HBS1L: variants seen among roughly 807,000 people sequenced by gnomAD.
The protein encoded by HBS1L is HBS1 like translational GTPase.
A neutral mutation model predicts 88.9 loss-of-function variants in HBS1L; 55 were observed. The ratio of observed to expected loss-of-function variants is 0.62; its 90% CI spans 0.50 to 0.77. The LOEUF (loss-of-function observed/expected upper bound fraction) is 0.77, where lower values mean the gene tolerates loss of function less well. HBS1L is among the 30% of genes least tolerant of loss of function. The pLI, the probability that HBS1L is intolerant of heterozygous loss-of-function variation, is 0.00. For missense variants in HBS1L, 741 were observed against 829.3 expected (o/e 0.89, Z 1.31); for synonymous variants, 267 against 288.5 (o/e 0.93, Z 0.76).
At position 135,036,897 on chromosome 6, in the gene HBS1L, T is replaced by G. The variant is rs946244550; in HGVS notation, c.430+2676A>C. On this transcript the variant is annotated intron_variant, in intron 4 of 17. Transcript: ENST00000367837. ...TGGAATTCTTCCCTAGCTTTGAACT[T>G]AGAACTTTAGTTCGTGATGATGGAG... 2.6e-6 allele frequency: 4 copies of G among 1,551,582 alleles called. No homozygotes were observed. The African/African-American group carries it at 4.1e-5, about 16-fold the overall frequency.
In HBS1L at chr6:134,960,444, C is replaced by T. The variant is rs1774160764; in HGVS notation, c.*4835G>A. On this transcript the variant is annotated 3_prime_UTR_variant, in exon 18 of 18. Coordinates refer to ENST00000367837, the MANE Select transcript of HBS1L (RefSeq NM_006620.4). Reference sequence around the variant, plus strand: ...TGTTTACATGATCTATAAGGCAGAGCTATGAGAATTCCTCAATAATTGTAA... The same window carrying T: ...TGTTTACATGATCTATAAGGCAGAGTTATGAGAATTCCTCAATAATTGTAA... The T allele has an allele frequency of 6.6e-6, 1 of 152,080 alleles. No individual in the cohort carries two copies. The allele number at this position is 152,080 out of a possible 1,614,324, so 9.4% of individuals were successfully genotyped here. A position where few individuals can be genotyped will look rare whatever the true frequency, so the allele number is the denominator to read the frequency against.
At chr6:134,966,976 T>C (rs1272195837) in intron 16 of HBS1L, among the ~76,000 whole-genome samples, 1 of 152,064 alleles carries the variant, frequency 6.6e-6, no homozygotes, top group African/African-American at 2.4e-5. Flanking sequence ...GTTGCTAAGA[T>C]TCCCCTCAAT....
rs144606815 is a variant in HBS1L, at chr6:134,968,835, A to G, written c.1898+403T>C. Among the ~76,000 whole-genome samples, 233 of 152,246 alleles carry G rather than the reference A, an allele frequency of 1.5e-3. 2 individuals are homozygous for G. Among genetic ancestry groups the G allele is most frequent in the Admixed American group, 5.0e-3 (77 of 15,288 alleles). On this transcript the variant is annotated intron_variant, in intron 16 of 17. Coordinates refer to ENST00000367837, the MANE Select transcript of HBS1L (RefSeq NM_006620.4). ...TAGATTATTTTCTTCTTAGCTTAGCATAGGGAATGATCTTATTAAGGAGGT... is the reference window on the plus strand; with the variant it reads ...TAGATTATTTTCTTCTTAGCTTAGCGTAGGGAATGATCTTATTAAGGAGGT...
intron 15 of HBS1L, among the ~76,000 whole-genome samples, chr6:134,972,859 A>G (rs569143339): frequency 3.3e-4 from 50 of 152,344 alleles, no homozygotes; most frequent in Non-Finnish European, 6.2e-4. Context: ...AACCACCATG[A>G]GACACCACTT....
chr6:135,043,330 T>C (rs1390955616), intron 2 of HBS1L, among the ~76,000 whole-genome samples: 1 of 152,216 alleles, frequency 6.6e-6, no homozygotes, highest in Non-Finnish European at 1.5e-5. Flanking sequence ...TAGCTTTCTA[T>C]AAGAGCACAA....
At chr6:135,035,987 T>G (rs1444802739) in intron 4 of HBS1L, 2 of 652,534 alleles carry the variant, frequency 3.1e-6, no homozygotes, top group Non-Finnish European at 3.8e-6. Flanking sequence ...GATTTTCATT[T>G]TATTATTATC....
At chr6:135,026,833 G>A (rs1184748788) in intron 4 of HBS1L, 3 of 151,208 alleles carry the variant, frequency 2.0e-5, no homozygotes, top group Admixed American at 6.6e-5. Context: ...AAAAATGCAA[G>A]AGTGTTATAT....
intron 15 of HBS1L, 44 bp downstream of exon 15, chr6:134,978,635 T>G: frequency 9.1e-7 from 1 of 1,098,704 alleles, no homozygotes; most frequent in Non-Finnish European, 1.3e-6. Flanking sequence ...TAAAGTTACT[T>G]TGAATTTATA....
In HBS1L at chr6:134,961,325, C is replaced by G. The variant is rs976687956; in HGVS notation, c.*3954G>C. The G allele has an allele frequency of 1.3e-5, 2 of 151,952 alleles. No individual in the cohort carries two copies. Among genetic ancestry groups the G allele is most frequent in the African/African-American group, 4.8e-5 (2 of 41,358 alleles). 9.4% of individuals were successfully genotyped at this position (151,952 alleles called of 1,614,324 possible). A position where few individuals can be genotyped will look rare whatever the true frequency, so the allele number is the denominator to read the frequency against. On this transcript the variant is annotated 3_prime_UTR_variant, in exon 18 of 18. Transcript: ENST00000367837. ...TTTTGTTTTGCATTGTATTTTACAC[C>G]TACATTTACACTATTAACTTATTTG...
chr6:135,020,146 T>C (rs1323417053), intron 4 of HBS1L, among the ~76,000 whole-genome samples: 1 of 124,140 alleles, frequency 8.1e-6, no homozygotes, highest in Non-Finnish European at 1.7e-5. Flanking sequence ...TTATGAATGA[T>C]TAAAAAAAAC....
intron 15 of HBS1L, among the ~76,000 whole-genome samples, chr6:134,974,360 A>C (rs1248140308): frequency 6.6e-6 from 1 of 152,200 alleles, no homozygotes; most frequent in Non-Finnish European, 1.5e-5. Context: ...TCCTACTGAA[A>C]CTATTAAAAG....
At chr6:135,018,600 A>G (rs988334640) in intron 4 of HBS1L, among the ~76,000 whole-genome samples, 1 of 151,994 alleles carries the variant, frequency 6.6e-6, no homozygotes, top group Non-Finnish European at 1.5e-5. Flanking sequence ...TGACCATTCT[A>G]TAGCACTAAG....
rs370259280 is a variant in HBS1L, at chr6:134,997,495, G to A, written c.701C>T (p.Pro234Leu). ...ASEEQSSTPA[P>L]VKKSGKLRQQ... ...CCTCAGCTTGCCAGACTTTTTCACC[G>A]GTGCTGGGGTTGAACTCTGCTCTTC... The change falls in exon 6 of 18, where the codon CCG becomes CTG. Residue 234 changes from proline (P) to leucine (L), a missense_variant. This residue lies in a region of HBS1L where 556 missense variants were observed against 598.4 expected (regional missense o/e 0.93). Transcript: ENST00000367837. 1.7e-5 allele frequency: 27 copies of A among 1,613,868 alleles called. No individual in the cohort carries two copies. The highest frequency in any genetic ancestry group is 4.5e-5 in the East Asian group (2 of 44,880).
At chr6:135,015,882 CTTTTTTT>C (rs1174601694) in intron 4 of HBS1L, among the ~76,000 whole-genome samples, 1 of 116,966 alleles carries the variant, frequency 8.5e-6, no homozygotes, top group Non-Finnish European at 1.8e-5. Context: ...CGAGCCCAGC[CTTTTTTT>C]TTTTTTTTTT....
chr6:134,986,146 C>T lies in HBS1L; in HGVS notation c.1343G>A (p.Ser448Asn), dbSNP rs1447616266. ...AGATCTTGTGATTAGATTTTCACCA[C>T]TGAGACCACTTGTAGGAATAAAACC... Reference protein sequence around the residue: ...DVGFIPTSGLSGENLITRSQS... With the variant: ...DVGFIPTSGLNGENLITRSQS... Residue 448 changes from serine (S) to asparagine (N), a missense_variant, in exon 11 of 18, where the codon AGT becomes AAT. By Grantham distance (46) the Ser-to-Asn change is conservative. This residue lies in a region of HBS1L where 556 missense variants were observed against 598.4 expected (regional missense o/e 0.93). Transcript: ENST00000367837. 1 of 1,595,156 alleles carries T rather than the reference C, an allele frequency of 6.3e-7. No homozygotes were observed. Among genetic ancestry groups the T allele is most frequent in the Middle Eastern group, 1.7e-4 (1 of 6,016 alleles).
intron 4 of HBS1L, among the ~76,000 whole-genome samples, chr6:135,034,253 A>T (rs923907353): frequency 1.3e-5 from 2 of 152,248 alleles, no homozygotes; most frequent in African/African-American, 4.8e-5. Flanking sequence ...AAATAAACAG[A>T]AACAAAAGTA....
chr6:135,037,938 T>C, intron 4 of HBS1L: 7 of 1,549,966 alleles, frequency 4.5e-6, no homozygotes, highest in Non-Finnish European at 5.2e-6. Flanking sequence ...AATCAAAGGG[T>C]TTGCTACTAT....
At chr6:134,969,748 T>A (rs1255365792) in intron 15 of HBS1L, among the ~76,000 whole-genome samples, 1 of 152,100 alleles carries the variant, frequency 6.6e-6, no homozygotes, top group Non-Finnish European at 1.5e-5. Context: ...CTCAACTCTT[T>A]CTCTTCTGTC....
chr6:135,036,811 G>A, intron 4 of HBS1L: 1 of 1,551,836 alleles, frequency 6.4e-7, no homozygotes, highest in Non-Finnish European at 8.7e-7. Flanking sequence ...CCAAGAGAGA[G>A]AAAAAGGTGG....
Sources: gnomAD v4.1 joint callset for allele counts (sites outside exome capture counted in the v4.1 genomes callset) on GRCh38, gnomAD v4.1.1 for gene constraint, gnomAD v4.1.1 regional missense constraint, MANE v1.5 for transcripts, NCBI Gene and HGNC (gene_info 2026-07-23, HGNC 2026-07-21) for gene names.